Variants in TRPM6 observed in about 807,000 individuals in gnomAD.
The protein encoded by TRPM6 is channel kinase 2.
In TRPM6, 111 loss-of-function variants were observed where a neutral mutation model predicts 247.6. The ratio of observed to expected loss-of-function variants is 0.45; its 90% CI spans 0.38 to 0.52. TRPM6 has a LOEUF of 0.52. Ranked by LOEUF, TRPM6 falls within the 20% of genes least tolerant of loss-of-function variation. The probability of loss-of-function intolerance (pLI) is 0.00; values close to 1 mark genes in which losing one functional copy is unlikely to be tolerated. For missense variants in TRPM6, 2,126 were observed against 2,421.5 expected (o/e 0.88, Z 2.56); for synonymous variants, 892 against 853.8 (o/e 1.04, Z -0.78).
intron 3 of TRPM6, among the ~76,000 whole-genome samples, chr9:74,843,092 A>G (rs569512244): frequency 2.0e-5 from 3 of 152,280 alleles, no homozygotes; most frequent in South Asian, 4.2e-4. Flanking sequence ...CATATTCTAA[A>G]TCCTTTGTTG....
At chr9:74,806,522 C>T (rs775206489) in intron 14 of TRPM6, among the ~76,000 whole-genome samples, 1 of 151,986 alleles carries the variant, frequency 6.6e-6, no homozygotes. Flanking sequence ...AAAGGCAACA[C>T]CCAAATTATT....
chr9:74,727,699 G>A (rs371678242), intron 38 of TRPM6, among the ~76,000 whole-genome samples: 20 of 152,046 alleles, frequency 1.3e-4, no homozygotes, highest in African/African-American at 4.8e-5. Flanking sequence ...TTTATAGTAG[G>A]AATTTTTAAG....
rs1369125156 is a variant in TRPM6, at chr9:74,804,027, T to A, written c.1639-141A>T. ...AATGAAAACCAAATATAATGTTGTG[T>A]CCTACCAAATATCCATGCCTCTGTT... On this transcript the variant is annotated intron_variant, in intron 14 of 38. Transcript: ENST00000360774. The A allele has an allele frequency of 8.7e-6, 6 of 692,624 alleles. No homozygotes were observed. In the East Asian group the frequency reaches 1.1e-4, roughly 13 times the overall value. The allele number at this position is 692,624 out of a possible 1,614,324, so 42.9% of individuals were successfully genotyped here.
intron 1 of TRPM6, among the ~76,000 whole-genome samples, chr9:74,864,063 TTC>T (rs943041596): frequency 2.0e-5 from 3 of 152,136 alleles, no homozygotes; most frequent in Non-Finnish European, 4.4e-5. Context: ...ATTTCCTGCA[TTC>T]TCTCTTACAC....
chr9:74,835,627 C>G (rs1261059347), intron 5 of TRPM6, among the ~76,000 whole-genome samples: 1 of 152,090 alleles, frequency 6.6e-6, no homozygotes, highest in East Asian at 1.9e-4. Context: ...TGTATTTACA[C>G]TTTAAGTAGG....
intron 17 of TRPM6, chr9:74,799,887 A>C (rs1828250051): frequency 1.3e-5 from 4 of 310,608 alleles, no homozygotes; most frequent in Non-Finnish European, 2.5e-5. Context: ...AATCAAATAT[A>C]TTAACTAGGA....
intron 17 of TRPM6, among the ~76,000 whole-genome samples, chr9:74,799,537 A>AAC (rs1323319197): frequency 7.8e-6 from 1 of 128,810 alleles, no homozygotes; most frequent in Admixed American, 7.3e-5. Context: ...CTCAAAAAAA[A>AAC]ACACACACAC....
At chr9:74,752,800 T>G (rs974438307) in intron 28 of TRPM6, among the ~76,000 whole-genome samples, 5 of 152,126 alleles carry the variant, frequency 3.3e-5, no homozygotes, top group Admixed American at 6.6e-5. Flanking sequence ...CATAGTAGGC[T>G]ACTTAAAAAG....
chr9:74,780,755 G>A (rs114718331), intron 23 of TRPM6, among the ~76,000 whole-genome samples: 4,143 of 152,252 alleles, frequency 0.027, 186 homozygotes, highest in African/African-American at 0.092. Context: ...AAGTTCCTGA[G>A]AGTTTAGAGG....
chr9:74,747,950 C>T lies in TRPM6; in HGVS notation c.5058-36G>A, dbSNP rs544960605. On this transcript the variant is annotated intron_variant, in intron 30 of 38. Transcript: ENST00000360774. ...AAAAAATGAAGTTGTTTAGATAATG[C>T]TGCCTTAAATCTTACAGTTATCAAA... The T allele has an allele frequency of 3.9e-5, 63 of 1,602,306 alleles. No homozygotes were observed. The South Asian group carries it at 6.2e-4, about 16-fold the overall frequency.
rs1829135740 is a variant in TRPM6 at position 74,821,788 on chromosome 9, G to A, written c.891C>T (p.Pro297=). 1 of 1,614,160 alleles carries A rather than the reference G, an allele frequency of 6.2e-7. No individual in the cohort carries two copies. Among genetic ancestry groups the A allele is most frequent in the Non-Finnish European group, 8.5e-7 (1 of 1,180,042 alleles). The change falls in exon 8 of 39, where the codon CCC becomes CCT. Residue 297 remains proline (P), a synonymous_variant. Transcript: ENST00000360774. ...TCTCCCACACTGACAGGATGACGTT[G>A]GGACCGCCTTCCACCACCAGCCCCA... ...PVVGLVVEGG[P]NVILSVWETV... is the part of the protein sequence containing the mutation.
In TRPM6 at chr9:74,732,686, G is replaced by T; in HGVS notation, c.5827C>A (p.Gln1943Lys). Reference sequence around the variant, plus strand: ...ATGATAACACATAAATTAACTTACTGTTTGACTTCAGGTTTTATAACAGAT... The same window carrying T: ...ATGATAACACATAAATTAACTTACTTTTTGACTTCAGGTTTTATAACAGAT... ...DPSVIKPEVK[Q>K]SRGMVFGPAN... is the part of the protein sequence containing the mutation. Residue 1943 changes from glutamine (Q) to lysine (K), a missense_variant and splice_region_variant, in exon 37 of 39, where the codon CAA (glutamine) becomes AAA (lysine). Coordinates refer to ENST00000360774, the MANE Select transcript of TRPM6 (RefSeq NM_017662.5). 1 of 1,603,374 alleles carries T rather than the reference G, an allele frequency of 6.2e-7. No homozygotes were observed. Among genetic ancestry groups the T allele is most frequent in the Non-Finnish European group, 8.5e-7 (1 of 1,172,730 alleles).
At chr9:74,874,245 A>C (rs528838900) in intron 1 of TRPM6, among the ~76,000 whole-genome samples, 1,523 of 151,578 alleles carry the variant, frequency 0.01, 18 homozygotes, top group African/African-American at 0.025. Context: ...TAAAAACAAA[A>C]AAAAAAAAAA....
intron 18 of TRPM6, among the ~76,000 whole-genome samples, chr9:74,795,738 C>A (rs980322049): frequency 1.3e-5 from 2 of 152,198 alleles, no homozygotes; most frequent in Non-Finnish European, 2.9e-5. Flanking sequence ...CAAGTCATCA[C>A]AGGTCATGTT....
intron 38 of TRPM6, among the ~76,000 whole-genome samples, chr9:74,725,176 A>C (rs1825274360): frequency 6.6e-6 from 1 of 152,194 alleles, no homozygotes; most frequent in African/African-American, 2.4e-5. Context: ...TGGTACAGCC[A>C]ATAAAAGCTC....
chr9:74,839,489 A>G (rs994977566), intron 5 of TRPM6, among the ~76,000 whole-genome samples: 6 of 152,050 alleles, frequency 3.9e-5, no homozygotes, highest in Non-Finnish European at 8.8e-5. Flanking sequence ...TACCCACATC[A>G]CTGATTTCCC....
At chr9:74,792,381 C>T (rs532450896) in intron 19 of TRPM6, among the ~76,000 whole-genome samples, 3 of 152,280 alleles carry the variant, frequency 2.0e-5, no homozygotes, top group East Asian at 3.9e-4. Context: ...ACAGTGCTAA[C>T]TCTTAGCACT....
At chr9:74,864,586 T>C (rs1830787262) in intron 1 of TRPM6, among the ~76,000 whole-genome samples, 1 of 152,228 alleles carries the variant, frequency 6.6e-6, no homozygotes, top group South Asian at 2.1e-4. Flanking sequence ...CAAAGTAACC[T>C]TACACCTTCA....
Position 74,827,920 on chromosome 9 carries a change from G to T in TRPM6, c.699C>A (p.Asn233Lys). The change falls in exon 7 of 39, where the codon AAC becomes AAA. Residue 233 changes from asparagine (N) to lysine (K), a missense_variant. By Grantham distance (94) the Asn-to-Lys change is moderately conservative. Around this residue, in one of 3 missense-constraint regions of TRPM6, gnomAD observed 1,082 missense variants for 1,307.9 expected, o/e 0.83. Coordinates refer to ENST00000360774, the MANE Select transcript of TRPM6 (RefSeq NM_017662.5). ...TGAGTGTTGTGAGCTTGCTGAGGGG[G>T]TTATCCAGAGTCTGGTACAGGCACA... ...DVVCLYQTLD[N>K]PLSKLTTLNS... The T allele has an allele frequency of 1.2e-6, 2 of 1,614,080 alleles. No individual in the cohort carries two copies. The highest frequency in any genetic ancestry group is 1.7e-6 in the Non-Finnish European group (2 of 1,180,012).
Sources: gnomAD v4.1 joint callset for allele counts (sites outside exome capture counted in the v4.1 genomes callset) on GRCh38, gnomAD v4.1.1 for gene constraint, gnomAD v4.1.1 regional missense constraint, MANE v1.5 for transcripts, NCBI Gene and HGNC (gene_info 2026-07-23, HGNC 2026-07-21) for gene names.